LCOR: variants seen among roughly 807,000 people sequenced by gnomAD.
LCOR encodes ligand-dependent corepressor.
Under a neutral mutation model 64.4 loss-of-function variants are expected in LCOR, and 14 were observed. That is an observed-to-expected ratio of 0.22 (90% CI 0.14 to 0.34). The LOEUF (loss-of-function observed/expected upper bound fraction) is 0.34, where lower values mean the gene tolerates loss of function less well. Ranked by LOEUF, LCOR falls within the 10% of genes least tolerant of loss-of-function variation. The pLI is 1.00. For missense variants in LCOR, 1,686 were observed against 1,765.3 expected (o/e 0.96, Z 0.80); for synonymous variants, 643 against 642.5 (o/e 1.00, Z -0.01).
intron 2 of LCOR, among the ~76,000 whole-genome samples, chr10:96,895,195 A>G (rs1435172781): frequency 1.3e-5 from 2 of 152,154 alleles, no homozygotes; most frequent in Non-Finnish European, 2.9e-5. Context: ...TTTGATTTCT[A>G]AGTAGCATCT....
At chr10:96,839,282 A>G (rs1302912075) in intron 2 of LCOR, among the ~76,000 whole-genome samples, 1 of 152,124 alleles carries the variant, frequency 6.6e-6, no homozygotes. Flanking sequence ...CTTTGCAGAT[A>G]TTTTTTCTCA....
chr10:96,858,501 A>C (rs962494402), intron 2 of LCOR, among the ~76,000 whole-genome samples: 22 of 152,328 alleles, frequency 1.4e-4, no homozygotes, highest in African/African-American at 5.3e-4. Flanking sequence ...TGCTAGAGAA[A>C]CAAACCAACC....
intron 2 of LCOR, among the ~76,000 whole-genome samples, chr10:96,870,923 C>T (rs575292376): frequency 6.6e-6 from 1 of 152,326 alleles, no homozygotes; most frequent in African/African-American, 2.4e-5. Flanking sequence ...AATTCTAGGA[C>T]GGAAGACAAA....
chr10:96,919,296 C>T (rs1199477643), intron 4 of LCOR, among the ~76,000 whole-genome samples: 1 of 152,094 alleles, frequency 6.6e-6, no homozygotes, highest in African/African-American at 2.4e-5. Context: ...TATTTTCTTT[C>T]TTTCTGCCCA....
intron 2 of LCOR, among the ~76,000 whole-genome samples, chr10:96,859,975 T>C (rs749335186): frequency 1.2e-4 from 19 of 152,314 alleles, no homozygotes; most frequent in Admixed American, 7.2e-4. Flanking sequence ...TGTGGTTCTC[T>C]GACTTGACCA....
chr10:96,946,126 G>GT (rs1177343023), intron 5 of LCOR, among the ~76,000 whole-genome samples: 1 of 151,806 alleles, frequency 6.6e-6, no homozygotes, highest in Non-Finnish European at 1.5e-5. Flanking sequence ...TCCCCTTTAT[G>GT]TATTAATATT....
intron 4 of LCOR, among the ~76,000 whole-genome samples, chr10:96,919,919 C>T (rs1847018568): frequency 1.3e-5 from 2 of 152,144 alleles, no homozygotes; most frequent in Admixed American, 6.5e-5. Context: ...TTTGCTTTCA[C>T]CTCTTAGCTG....
intron 2 of LCOR, among the ~76,000 whole-genome samples, chr10:96,883,606 T>A (rs1280713614): frequency 6.6e-6 from 1 of 152,252 alleles, no homozygotes; most frequent in Non-Finnish European, 1.5e-5. Flanking sequence ...ACATATAATG[T>A]TGAACTTTCA....
rs184401853 is a variant in LCOR, at chr10:96,916,771, C to T, written c.-184+9024C>T. Among the ~76,000 whole-genome samples, 47 of 152,062 alleles carry T rather than the reference C, an allele frequency of 3.1e-4. 2 individuals are homozygous for T. In the East Asian group the frequency reaches 9.2e-3, roughly 30 times the overall value. The stretch of plus-strand genomic sequence containing the variant: ...CTGGGACTACAGGCGCACGCCACCC[C>T]ACCCAGCTAATTTTTGTATTTTTAG... On this transcript the variant is annotated intron_variant, in intron 4 of 7. Transcript: ENST00000421806.
At chr10:96,879,632 A>G (rs368639554) in intron 2 of LCOR, among the ~76,000 whole-genome samples, 6 of 152,176 alleles carry the variant, frequency 3.9e-5, no homozygotes, top group Non-Finnish European at 5.9e-5. Flanking sequence ...GTTGGAGACT[A>G]TATATTAATA....
Position 96,984,054 on chromosome 10 carries a change from T to G in LCOR, c.3594T>G (p.Ile1198Met). The G allele has an allele frequency of 6.2e-7, 1 of 1,613,946 alleles. No homozygotes were observed. Among genetic ancestry groups the G allele is most frequent in the Non-Finnish European group, 8.5e-7 (1 of 1,179,950 alleles). ...CAACTGAAACCCGGTCTCTAGTCAT[T>G]GTGAAGAAGCTCAATACTCGCCTTC... ...LETTETRSLV[I>M]VKKLNTRLPG... Residue 1198 changes from isoleucine (I) to methionine (M), a missense_variant, in exon 8 of 8, where the codon ATT becomes ATG. By Grantham distance (10) the Ile-to-Met change is conservative (BLOSUM62 1). Coordinates refer to ENST00000421806, the MANE Select transcript of LCOR (RefSeq NM_001346516.2).
intron 4 of LCOR, among the ~76,000 whole-genome samples, chr10:96,934,711 C>T (rs182136539): frequency 5.8e-4 from 89 of 152,202 alleles, no homozygotes; most frequent in African/African-American, 2.1e-3. Context: ...AGGAGATTCT[C>T]GTGCCTCAGC....
rs1257141088 is a variant in LCOR, at chr10:96,984,543, G to A, written c.4083G>A (p.Leu1361=). 5 of 1,614,216 alleles carry A rather than the reference G, an allele frequency of 3.1e-6. No individual in the cohort carries two copies. The highest frequency in any genetic ancestry group is 4.2e-6 in the Non-Finnish European group (5 of 1,180,042). ...INPLMSPKLA[L]QVDADGFPVK... ...CTCTGATGTCCCCCAAGCTTGCCCT[G>A]CAAGTGGATGCAGATGGGTTTCCTG... Residue 1361 remains leucine, a synonymous_variant, in exon 8 of 8, where the codon CTG becomes CTA. Transcript: ENST00000421806.
chr10:96,837,251 A>G (rs1352766855), intron 2 of LCOR, among the ~76,000 whole-genome samples: 1 of 151,916 alleles, frequency 6.6e-6, no homozygotes, highest in African/African-American at 2.4e-5. Context: ...TGGCCTCCCA[A>G]AGTGCTGGGA....
intron 7 of LCOR, chr10:96,962,446 C>T (rs1847896221): frequency 6.6e-6 from 1 of 151,998 alleles, no homozygotes; most frequent in African/African-American, 2.4e-5. Flanking sequence ...CACCAGAGGA[C>T]TGAAAATGGA....
intron 2 of LCOR, among the ~76,000 whole-genome samples, chr10:96,896,298 A>G (rs2134439165): frequency 6.6e-6 from 1 of 152,304 alleles, no homozygotes; most frequent in South Asian, 2.1e-4. Flanking sequence ...TTAGACTGAC[A>G]TACATACCTC....
intron 2 of LCOR, among the ~76,000 whole-genome samples, chr10:96,876,980 C>T (rs1193906325): frequency 6.6e-6 from 1 of 152,110 alleles, no homozygotes; most frequent in Non-Finnish European, 1.5e-5. Context: ...CAGGCGTGAG[C>T]CACTGCACCT....
chr10:96,965,455 G>T (rs1053981862), intron 7 of LCOR, among the ~76,000 whole-genome samples: 1 of 150,090 alleles, frequency 6.7e-6, no homozygotes, highest in African/African-American at 2.4e-5. Context: ...GAGGTCAGGA[G>T]ATCAAGACCA....
chr10:96,886,190 A>G (rs1174092566), intron 2 of LCOR, among the ~76,000 whole-genome samples: 1 of 152,144 alleles, frequency 6.6e-6, no homozygotes, highest in Non-Finnish European at 1.5e-5. Context: ...AGACTTTGTC[A>G]TACATCATTC....
Sources: allele counts gnomAD v4.1 joint callset (sites outside exome capture counted in the v4.1 genomes callset), GRCh38; gene constraint gnomAD v4.1.1; transcripts MANE v1.5; gene names NCBI Gene and HGNC (gene_info 2026-07-23, HGNC 2026-07-21).